The following HS3ST4 variants were observed in gnomAD, a reference collection of about 807,000 sequenced individuals.
The protein encoded by HS3ST4 is heparan sulfate glucosamine 3-O-sulfotransferase 4.
In HS3ST4, 17 loss-of-function variants were observed where a neutral mutation model predicts 29.2. That is an observed-to-expected ratio of 0.58 (90% confidence interval 0.40 to 0.87). The LOEUF is 0.87. Ranked by LOEUF, HS3ST4 falls within the 40% of genes least tolerant of loss-of-function variation. The pLI, the probability that HS3ST4 is intolerant of heterozygous loss-of-function variation, is 0.00. For missense variants in HS3ST4, 627 were observed against 634.5 expected (o/e 0.99, Z 0.13); for synonymous variants, 314 against 285.7 (o/e 1.10, Z -1.00).
intron 1 of HS3ST4, among the ~76,000 whole-genome samples, chr16:25,697,524 T>C (rs1276894254): frequency 6.6e-6 from 1 of 152,222 alleles, no homozygotes; most frequent in Non-Finnish European, 1.5e-5. Context: ...CTTTTTACCT[T>C]TTCAATGTGG....
intron 1 of HS3ST4, among the ~76,000 whole-genome samples, chr16:26,134,357 C>CTTT (rs1167036022): frequency 7.3e-4 from 80 of 109,048 alleles, no homozygotes; most frequent in East Asian, 1.2e-3. Flanking sequence ...CTTTTCTTTT[C>CTTT]TTTTCTTTTT....
chr16:26,062,504 G>A (rs1898487112), intron 1 of HS3ST4, among the ~76,000 whole-genome samples: 1 of 152,106 alleles, frequency 6.6e-6, no homozygotes, highest in African/African-American at 2.4e-5. Context: ...TTGATCCCAG[G>A]GATGAGACAG....
At chr16:25,819,933 C>A (rs1213341171) in intron 1 of HS3ST4, among the ~76,000 whole-genome samples, 1 of 131,872 alleles carries the variant, frequency 7.6e-6, no homozygotes, top group African/African-American at 2.9e-5. Context: ...ATCACTTGAA[C>A]CCGGGAGGCA....
intron 1 of HS3ST4, among the ~76,000 whole-genome samples, chr16:25,820,247 T>A (rs1242971739): frequency 6.6e-6 from 1 of 152,038 alleles, no homozygotes; most frequent in Non-Finnish European, 1.5e-5. Flanking sequence ...TTTCAGTGAC[T>A]GACTGTTGAC....
intron 1 of HS3ST4, among the ~76,000 whole-genome samples, chr16:25,731,651 C>G (rs1427826844): frequency 6.6e-6 from 1 of 152,126 alleles, no homozygotes; most frequent in African/African-American, 2.4e-5. Context: ...TACAGAGACA[C>G]TCTTATGAGG....
At chr16:25,976,853 A>G (rs1968948525) in intron 1 of HS3ST4, among the ~76,000 whole-genome samples, 1 of 152,240 alleles carries the variant, frequency 6.6e-6, no homozygotes, top group African/African-American at 2.4e-5. Flanking sequence ...GAGGAGTGGT[A>G]GACGGCATGT....
Position 25,907,721 on chromosome 16 carries a change from G to C in HS3ST4, c.734+214570G>C, listed in dbSNP as rs566274555. 1.8e-4 allele frequency among the ~76,000 whole-genome samples: 28 copies of C among 152,230 alleles called. No individual in the cohort carries two copies. In the South Asian group the frequency reaches 5.6e-3, roughly 30 times the overall value. ...CCGGGCCCCCCAAAACACACACACA[G>C]TGCACATGTTCTGCATTGCAAAGTG... On this transcript the variant is annotated intron_variant, in intron 1 of 1. Coordinates refer to ENST00000331351, the MANE Select transcript of HS3ST4 (RefSeq NM_006040.3).
At chr16:25,864,588 C>T (rs1967674333) in intron 1 of HS3ST4, among the ~76,000 whole-genome samples, 1 of 152,092 alleles carries the variant, frequency 6.6e-6, no homozygotes, top group South Asian at 2.1e-4. Flanking sequence ...CCACTCTACT[C>T]TCCTCTTCTA....
chr16:25,905,797 A>G (rs930297169), intron 1 of HS3ST4, among the ~76,000 whole-genome samples: 4 of 152,186 alleles, frequency 2.6e-5, no homozygotes, highest in African/African-American at 9.7e-5. Flanking sequence ...AGTGTTATGA[A>G]AGAGAGACAA....
chr16:26,099,381 C>T (rs1596680569), intron 1 of HS3ST4, among the ~76,000 whole-genome samples: 1 of 152,242 alleles, frequency 6.6e-6, no homozygotes, highest in East Asian at 1.9e-4. Flanking sequence ...GTCTCAAACT[C>T]CTATCCTTAA....
chr16:25,895,500 G>A (rs1252852044), intron 1 of HS3ST4, among the ~76,000 whole-genome samples: 1 of 152,016 alleles, frequency 6.6e-6, no homozygotes, highest in Admixed American at 6.5e-5. Flanking sequence ...TAAGCAGGCA[G>A]TGGACCAGAG....
chr16:25,867,059 A>G (rs544504507), intron 1 of HS3ST4, among the ~76,000 whole-genome samples: 1 of 152,322 alleles, frequency 6.6e-6, no homozygotes, highest in African/African-American at 2.4e-5. Flanking sequence ...TTATCAGACC[A>G]TAGAAATAAT....
intron 1 of HS3ST4, among the ~76,000 whole-genome samples, chr16:25,716,309 A>G (rs1596551452): frequency 6.6e-6 from 1 of 152,226 alleles, no homozygotes; most frequent in East Asian, 1.9e-4. Flanking sequence ...ACAATCTGGA[A>G]TAAAGACTAC....
At chr16:26,100,562 T>C (rs540709550) in intron 1 of HS3ST4, among the ~76,000 whole-genome samples, 2 of 152,122 alleles carry the variant, frequency 1.3e-5, no homozygotes, top group African/African-American at 2.4e-5. Context: ...GCAGACCTCA[T>C]TGTGGTGTGT....
intron 1 of HS3ST4, among the ~76,000 whole-genome samples, chr16:25,840,679 TAA>T (rs1967402894): frequency 6.6e-6 from 1 of 152,176 alleles, no homozygotes; most frequent in Non-Finnish European, 1.5e-5. Flanking sequence ...TTGAGCACTG[TAA>T]AGAAATAAAG....
At chr16:26,021,879 G>A (rs927934684) in intron 1 of HS3ST4, among the ~76,000 whole-genome samples, 8 of 151,928 alleles carry the variant, frequency 5.3e-5, no homozygotes, top group Non-Finnish European at 1.0e-4. Flanking sequence ...GGCCAGGCTG[G>A]TATTGATCTC....
At chr16:26,049,010 A>G (rs1411080762) in intron 1 of HS3ST4, among the ~76,000 whole-genome samples, 2 of 152,078 alleles carry the variant, frequency 1.3e-5, no homozygotes, top group African/African-American at 2.4e-5. Flanking sequence ...AGAAATAATG[A>G]TATCTAGCTA....
intron 1 of HS3ST4, among the ~76,000 whole-genome samples, chr16:25,770,441 A>C (rs1166692476): frequency 6.6e-6 from 1 of 152,186 alleles, no homozygotes; most frequent in Non-Finnish European, 1.5e-5. Context: ...TAGCTTATAG[A>C]TCGAAAGACT....
intron 1 of HS3ST4, among the ~76,000 whole-genome samples, chr16:25,749,692 T>A (rs942328162): frequency 6.6e-6 from 1 of 152,230 alleles, no homozygotes; most frequent in Non-Finnish European, 1.5e-5. Context: ...AATAGCTTTC[T>A]ACCTCATGAG....
Sources: allele counts gnomAD v4.1 joint callset (sites outside exome capture counted in the v4.1 genomes callset), GRCh38; gene constraint gnomAD v4.1.1; transcripts MANE v1.5; gene names NCBI Gene and HGNC (gene_info 2026-07-23, HGNC 2026-07-21).